PSD3: variants seen among roughly 807,000 people sequenced by gnomAD.
PSD3 encodes PH and SEC7 domain-containing protein 3.
PSD3 carries 49 observed loss-of-function variants against 105.5 expected under a neutral mutation model. The ratio of observed to expected loss-of-function variants is 0.46; its 90% CI spans 0.37 to 0.59. PSD3 has a LOEUF of 0.59. PSD3 is among the 20% of genes least tolerant of loss of function. The pLI, the probability that PSD3 is intolerant of heterozygous loss-of-function variation, is 0.00. For missense variants in PSD3, 1,561 were observed against 1,263.8 expected, an observed-to-expected ratio of 1.24 and a Z score of -3.57; for synonymous variants, 557 against 457.8, an observed-to-expected ratio of 1.22 and a Z score of -2.77.
chr8:18,568,879 C>A (rs1051017645), intron 14 of PSD3, among the ~76,000 whole-genome samples: 2 of 150,522 alleles, frequency 1.3e-5, no homozygotes, highest in Non-Finnish European at 3.0e-5. Flanking sequence ...ACAACAGTCC[C>A]CAGAGGGTGA....
intron 9 of PSD3, among the ~76,000 whole-genome samples, chr8:18,659,392 A>G (rs1047426154): frequency 2.0e-5 from 3 of 152,254 alleles, no homozygotes; most frequent in African/African-American, 7.2e-5. Flanking sequence ...ATGGGATTTC[A>G]GAACTGAACT....
At chr8:18,638,479 T>C (rs1040353322) in intron 10 of PSD3, among the ~76,000 whole-genome samples, 1 of 152,060 alleles carries the variant, frequency 6.6e-6, no homozygotes, top group Non-Finnish European at 1.5e-5. Context: ...ATGAGTAGCA[T>C]TTTTGTACAC....
chr8:18,914,714 A>C (rs1820469377), intron 2 of PSD3, among the ~76,000 whole-genome samples: 1 of 152,248 alleles, frequency 6.6e-6, no homozygotes, highest in African/African-American at 2.4e-5. Flanking sequence ...AGTTGAAGTG[A>C]CAAAAATAAA....
At chr8:18,714,747 A>C (rs536823007) in intron 9 of PSD3, among the ~76,000 whole-genome samples, 2 of 152,362 alleles carry the variant, frequency 1.3e-5, no homozygotes, top group Admixed American at 1.3e-4. Context: ...CTAGAACCAG[A>C]AATACAATTT....
intron 1 of PSD3, among the ~76,000 whole-genome samples, chr8:19,022,534 C>T (rs1827396168): frequency 6.6e-6 from 1 of 152,184 alleles, no homozygotes. Context: ...CAAGGGCTTC[C>T]CTAGTCCCTA....
intron 9 of PSD3, among the ~76,000 whole-genome samples, chr8:18,743,687 T>C (rs548685865): frequency 1.3e-5 from 2 of 151,612 alleles, no homozygotes; most frequent in South Asian, 2.1e-4. Context: ...AAAGTGGAAG[T>C]TCCTATTTGG....
intron 1 of PSD3, among the ~76,000 whole-genome samples, chr8:19,081,829 A>G (rs1333014927): frequency 6.6e-6 from 1 of 152,152 alleles, no homozygotes; most frequent in Admixed American, 6.5e-5. Flanking sequence ...GGATTTTCCA[A>G]ATTGACACTA....
chr8:18,968,736 T>G (rs2129471792), intron 1 of PSD3, among the ~76,000 whole-genome samples: 1 of 151,630 alleles, frequency 6.6e-6, no homozygotes, highest in Middle Eastern at 3.4e-3. Flanking sequence ...ATTAGCTGGG[T>G]GTGGTGGCAT....
chr8:18,574,340 C>G (rs915977350), intron 13 of PSD3, among the ~76,000 whole-genome samples: 20 of 152,090 alleles, frequency 1.3e-4, no homozygotes, highest in African/African-American at 4.6e-4. Context: ...GTAATTAGAT[C>G]TCCTTAGTTA....
At chr8:18,954,640 C>G (rs1400852091) in intron 1 of PSD3, among the ~76,000 whole-genome samples, 1 of 152,110 alleles carries the variant, frequency 6.6e-6, no homozygotes, top group African/African-American at 2.4e-5. Flanking sequence ...GGAGGGGATG[C>G]ACAAAGTAAC....
intron 1 of PSD3, among the ~76,000 whole-genome samples, chr8:19,003,940 G>A (rs1297081662): frequency 6.6e-6 from 1 of 151,970 alleles, no homozygotes; most frequent in Non-Finnish European, 1.5e-5. Context: ...TACCAGGTGA[G>A]ATCAGTTTCC....
chr8:18,528,686 GGTCCTTAATCGA>G lies in PSD3; in HGVS notation c.*7045_*7056del, dbSNP rs1290963108. On this transcript the variant is annotated 3_prime_UTR_variant, in exon 16 of 16. Transcript: ENST00000327040. ...GCAGTGAGCCTCAGACCTGCAGTGTGGTCCTTAATCGAGCCTTGGGCTGGGACTCTTCTAGGA... is the reference window on the plus strand; with the variant it reads ...GCAGTGAGCCTCAGACCTGCAGTGTGGCCTTGGGCTGGGACTCTTCTAGGA... 1 of 152,578 alleles carries G rather than the reference GGTCCTTAATCGA, an allele frequency of 6.6e-6. No individual in the cohort carries two copies. The highest frequency in any genetic ancestry group is 1.5e-5 in the Non-Finnish European group (1 of 68,040). 9.5% of individuals were successfully genotyped at this position (152,578 alleles called of 1,614,324 possible). A position where few individuals can be genotyped will look rare whatever the true frequency, so the allele number is the denominator to read the frequency against.
At chr8:18,913,770 C>G (rs770259365) in intron 2 of PSD3, among the ~76,000 whole-genome samples, 2 of 152,116 alleles carry the variant, frequency 1.3e-5, no homozygotes, top group Non-Finnish European at 2.9e-5. Context: ...GGCCCAGGTA[C>G]CAGGATGGTC....
chr8:18,943,079 G>C (rs1464253661), intron 1 of PSD3, among the ~76,000 whole-genome samples: 2 of 152,162 alleles, frequency 1.3e-5, no homozygotes, highest in Non-Finnish European at 2.9e-5. Flanking sequence ...GGTTTTCCCA[G>C]CTGTGTACAT....
At chr8:18,932,120 C>T (rs932648) in intron 2 of PSD3, among the ~76,000 whole-genome samples, 15,469 of 152,276 alleles carry the variant, frequency 0.1, 845 homozygotes, top group Middle Eastern at 0.24. Context: ...TTGGGTACCA[C>T]GTGCCAAACC....
chr8:18,684,332 C>T (rs764305973), intron 9 of PSD3, among the ~76,000 whole-genome samples: 24 of 152,196 alleles, frequency 1.6e-4, no homozygotes, highest in Middle Eastern at 3.4e-3. Context: ...AACACTATTT[C>T]TCTTGTGATA....
At chr8:18,971,514 G>C (rs112009269) in intron 1 of PSD3, among the ~76,000 whole-genome samples, 35 of 152,328 alleles carry the variant, frequency 2.3e-4, no homozygotes, top group African/African-American at 8.2e-4. Context: ...ATTGTGCTCA[G>C]ATCACAGGCC....
At chr8:18,993,954 G>A (rs1825934656) in intron 1 of PSD3, among the ~76,000 whole-genome samples, 1 of 151,942 alleles carries the variant, frequency 6.6e-6, no homozygotes, top group Admixed American at 6.6e-5. Flanking sequence ...TTTAAAAGAT[G>A]AAGCAAATGT....
rs529505785 is a variant in PSD3, at chr8:18,921,057, C to A, written c.130+14977G>T. Among the ~76,000 whole-genome samples, 78 of 152,330 alleles carry A rather than the reference C, an allele frequency of 5.1e-4. 1 individual carries two copies. In the South Asian group the frequency reaches 0.016, roughly 30 times the overall value. ...GTGAAATTCTACATGAATGGAATGA[C>A]AGTTTCACAGATATGAGAAACCTTC... On this transcript the variant is annotated intron_variant, in intron 2 of 15. Transcript: ENST00000327040.
Sources: allele counts gnomAD v4.1 joint callset (sites outside exome capture counted in the v4.1 genomes callset), GRCh38; gene constraint gnomAD v4.1.1; transcripts MANE v1.5; gene names NCBI Gene and HGNC (gene_info 2026-07-23, HGNC 2026-07-21).